Variants in SLC27A2 observed in about 807,000 individuals in gnomAD.
The protein encoded by SLC27A2 is long-chain fatty acid transport protein 2.
In SLC27A2, 54 loss-of-function variants were observed where a neutral mutation model predicts 60.0. That is an observed-to-expected ratio of 0.90 (90% CI 0.72 to 1.13). SLC27A2 has a LOEUF of 1.13. SLC27A2 is among the 50% of genes most tolerant of loss of function. SLC27A2 has a pLI of 0.00. For missense variants in SLC27A2, 739 were observed against 777.6 expected, an observed-to-expected ratio of 0.95 and a Z score of 0.59; for synonymous variants, 297 against 297.6, an observed-to-expected ratio of 1.00 and a Z score of 0.02.
chr15:50,234,929 C>A (rs1028036755), intron 9 of SLC27A2, among the ~76,000 whole-genome samples: 8 of 152,174 alleles, frequency 5.3e-5, no homozygotes, highest in Non-Finnish European at 1.2e-4. Context: ...TTTGTTGTTT[C>A]CAGTTTTAAA....
At chr15:50,210,668 G>T (rs2045147710) in intron 4 of SLC27A2, among the ~76,000 whole-genome samples, 1 of 152,202 alleles carries the variant, frequency 6.6e-6, no homozygotes, top group South Asian at 2.1e-4. Flanking sequence ...TGTGAATCTG[G>T]CTTGCAGACT....
intron 4 of SLC27A2, among the ~76,000 whole-genome samples, chr15:50,206,737 G>A (rs569560228): frequency 1.3e-5 from 2 of 152,060 alleles, no homozygotes; most frequent in Admixed American, 6.5e-5. Context: ...CCAGATCTAC[G>A]GCACCAAGAT....
intron 1 of SLC27A2, among the ~76,000 whole-genome samples, chr15:50,192,059 CAAAAAAA>C (rs553255229): frequency 1.9e-5 from 2 of 103,276 alleles, no homozygotes; most frequent in Admixed American, 1.0e-4. Flanking sequence ...GACTCCATCT[CAAAAAAA>C]AAAAAAAGAA....
intron 4 of SLC27A2, among the ~76,000 whole-genome samples, chr15:50,218,848 T>C (rs2045221456): frequency 6.6e-6 from 1 of 150,838 alleles, no homozygotes; most frequent in Non-Finnish European, 1.5e-5. Flanking sequence ...GCTTAGAAAA[T>C]AACTAGTCCA....
At chr15:50,230,093 G>C (rs1301490841) in intron 8 of SLC27A2, among the ~76,000 whole-genome samples, 2 of 151,982 alleles carry the variant, frequency 1.3e-5, no homozygotes, top group Non-Finnish European at 2.9e-5. Context: ...AATTAGCTGG[G>C]TGTGGTGGCA....
Position 50,197,509 on chromosome 15 carries a change from C to T in SLC27A2, c.488C>T (p.Ala163Val), listed in dbSNP as rs565490260. 3 of 1,612,404 alleles carry T rather than the reference C, an allele frequency of 1.9e-6. No homozygotes were observed. The highest frequency in any genetic ancestry group is 2.2e-5 in the East Asian group (1 of 44,852). Residue 163 changes from alanine to valine, a missense_variant, in exon 2 of 10, where the codon GCA becomes GTA. Physicochemically the swap from Ala to Val is moderately conservative, Grantham distance 64 (BLOSUM62 0). Coordinates refer to ENST00000267842, the MANE Select transcript of SLC27A2 (RefSeq NM_003645.4). ...TTCTTATTAAATTAAGAACTACAAG[C>T]AGCTGTCGAAGAGATACTGCCAAGC... ...KVLLVSPELQ[A>V]AVEEILPSLK...
At chr15:50,204,201 A>G (rs77601465) in intron 3 of SLC27A2, among the ~76,000 whole-genome samples, 7,969 of 152,274 alleles carry the variant, frequency 0.052, 374 homozygotes, top group African/African-American at 0.13. Context: ...ACAGTGGCTT[A>G]TGCCTGTAAT....
intron 4 of SLC27A2, among the ~76,000 whole-genome samples, chr15:50,220,156 G>A (rs1330925526): frequency 6.6e-6 from 1 of 152,184 alleles, no homozygotes; most frequent in African/African-American, 2.4e-5. Context: ...AGCCCATGGT[G>A]TTGTGATTAT....
In SLC27A2 at chr15:50,205,240, T is replaced by C. The variant is rs1304307152; in HGVS notation, c.849T>C (p.Gly283=). 2 of 1,610,608 alleles carry C rather than the reference T, an allele frequency of 1.2e-6. No individual in the cohort carries two copies. The highest frequency in any genetic ancestry group is 1.7e-5 in the Admixed American group (1 of 59,852). ...LIGIHGCIVA[G]ATLALRTKFS... ...ACACTTTCTGTGCTTTCTCTGTAGG[T>C]GCTACTCTTGCCTTGCGGACTAAAT... The change falls in exon 4 of 10, where the codon GGT becomes GGC. Residue 283 remains glycine, a splice_region_variant and synonymous_variant. Coordinates refer to ENST00000267842, the MANE Select transcript of SLC27A2 (RefSeq NM_003645.4).
At chr15:50,185,149 A>G (rs952171373) in intron 1 of SLC27A2, among the ~76,000 whole-genome samples, 8 of 152,230 alleles carry the variant, frequency 5.3e-5, no homozygotes, top group African/African-American at 1.9e-4. Flanking sequence ...TTAAATGACC[A>G]TAATACAGTT....
intron 1 of SLC27A2, among the ~76,000 whole-genome samples, chr15:50,185,760 G>A (rs2044916387): frequency 6.6e-6 from 1 of 150,690 alleles, no homozygotes; most frequent in African/African-American, 2.4e-5. Context: ...TTCCTGAATA[G>A]CTGGGACTAC....
intron 4 of SLC27A2, among the ~76,000 whole-genome samples, chr15:50,206,641 C>T (rs2045115158): frequency 6.6e-6 from 1 of 152,132 alleles, no homozygotes; most frequent in Non-Finnish European, 1.5e-5. Context: ...TCACTCCTGA[C>T]ATAGTAAAGG....
At chr15:50,218,911 G>A (rs2045222148) in intron 4 of SLC27A2, among the ~76,000 whole-genome samples, 1 of 152,176 alleles carries the variant, frequency 6.6e-6, no homozygotes, top group African/African-American at 2.4e-5. Context: ...AATTCCATGA[G>A]CAGATAGATT....
intron 5 of SLC27A2, among the ~76,000 whole-genome samples, chr15:50,223,572 C>T (rs539811319): frequency 1.1e-4 from 17 of 152,270 alleles, no homozygotes; most frequent in East Asian, 5.8e-4. Flanking sequence ...AGGACCAACC[C>T]GCTAGGCTTT....
chr15:50,203,708 A>C (rs1466800664), intron 3 of SLC27A2, among the ~76,000 whole-genome samples: 1 of 152,146 alleles, frequency 6.6e-6, no homozygotes, highest in Non-Finnish European at 1.5e-5. Context: ...AAAAATGTAT[A>C]TGTTGAAATC....
intron 1 of SLC27A2, among the ~76,000 whole-genome samples, chr15:50,187,476 T>C (rs971022719): frequency 6.6e-6 from 1 of 152,194 alleles, no homozygotes; most frequent in African/African-American, 2.4e-5. Flanking sequence ...CCATTTCCAT[T>C]TATCCTAGCA....
intron 1 of SLC27A2, among the ~76,000 whole-genome samples, chr15:50,186,504 C>A (rs2044924866): frequency 6.6e-6 from 1 of 152,150 alleles, no homozygotes; most frequent in Non-Finnish European, 1.5e-5. Context: ...GTGGCGCGAT[C>A]TCGACTCACG....
chr15:50,216,394 C>T (rs1169817423), intron 4 of SLC27A2, among the ~76,000 whole-genome samples: 4 of 151,746 alleles, frequency 2.6e-5, no homozygotes, highest in African/African-American at 7.3e-5. Flanking sequence ...TGGAAAACAG[C>T]GTGGAGATTC....
intron 1 of SLC27A2, among the ~76,000 whole-genome samples, chr15:50,183,152 T>C (rs1188289979): frequency 6.6e-6 from 1 of 152,220 alleles, no homozygotes; most frequent in Non-Finnish European, 1.5e-5. Context: ...ATCCTCACAA[T>C]GGGTAGGCTT....
Sources: allele counts gnomAD v4.1 joint callset (sites outside exome capture counted in the v4.1 genomes callset), GRCh38; gene constraint gnomAD v4.1.1; transcripts MANE v1.5; gene names NCBI Gene and HGNC (gene_info 2026-07-23, HGNC 2026-07-21).